CCNA2: variants seen among roughly 807,000 people sequenced by gnomAD.
CCNA2 encodes the protein cyclin-A2.
A neutral mutation model predicts 49.4 loss-of-function variants in CCNA2; 3 were observed. The ratio of observed to expected loss-of-function variants is 0.06; its 90% CI spans 0.03 to 0.16. CCNA2 has a LOEUF of 0.16. CCNA2 is among the 10% of genes least tolerant of loss of function. The pLI, the probability that CCNA2 is intolerant of heterozygous loss-of-function variation, is 1.00. For synonymous variants in CCNA2, 206 were observed against 197.2 expected, an observed-to-expected ratio of 1.04 and a Z score of -0.37; for missense variants, 372 against 519.7, an observed-to-expected ratio of 0.72 and a Z score of 2.76.
chr4:121,817,512 A>G lies in CCNA2; in HGVS notation c.*126T>C, dbSNP rs943415890. 3.7e-6 allele frequency: 4 copies of G among 1,090,372 alleles called. No homozygotes were observed. Among genetic ancestry groups the G allele is most frequent in the Non-Finnish European group, 5.3e-6 (4 of 756,006 alleles). 67.5% of individuals were successfully genotyped at this position (1,090,372 alleles called of 1,614,324 possible). A position where few individuals can be genotyped will look rare whatever the true frequency, so the allele number is the denominator to read the frequency against. The stretch of plus-strand genomic sequence containing the variant: ...AACCATTTAAAAAGTAATAGATACC[A>G]TAATTTGTACTTGGCCACAACTTCT... On this transcript the variant is annotated 3_prime_UTR_variant, in exon 8 of 8. Transcript: ENST00000274026.
chr4:121,822,572 C>T lies in CCNA2; in HGVS notation c.288G>A (p.Gln96=), dbSNP rs912876216. The change falls in exon 2 of 8, where the codon CAG becomes CAA. Residue 96 remains glutamine, a synonymous_variant. Coordinates refer to ENST00000274026, the MANE Select transcript of CCNA2 (RefSeq NM_001237.5). Reference sequence around the variant, plus strand: ...CATCCACATGAATGGTGAACGCAGGCTGTTTACTGTTTGCTTTCCAAGGAG... The same window carrying T: ...CATCCACATGAATGGTGAACGCAGGTTGTTTACTGTTTGCTTTCCAAGGAG... ...TVPPWKANSK[Q]PAFTIHVDEA... is the part of the protein sequence containing the mutation. The T allele has an allele frequency of 6.2e-7, 1 of 1,614,094 alleles. No homozygotes were observed. Among genetic ancestry groups the T allele is most frequent in the Non-Finnish European group, 8.5e-7 (1 of 1,180,014 alleles).
chr4:121,822,508 G>T lies in CCNA2; in HGVS notation c.352C>A (p.Gln118Lys). 1 of 1,614,094 alleles carries T rather than the reference G, an allele frequency of 6.2e-7. No homozygotes were observed. Among genetic ancestry groups the T allele is most frequent in the Non-Finnish European group, 8.5e-7 (1 of 1,180,024 alleles). ...AGGGCATCTTCACGCTCTATTTTTTGAGATTCAGCTGGCTTCTTCTGAGCT... is the reference window on the plus strand; with the variant it reads ...AGGGCATCTTCACGCTCTATTTTTTTAGATTCAGCTGGCTTCTTCTGAGCT... ...KEAQKKPAES[Q>K]KIEREDALAF... Residue 118 changes from glutamine (Q) to lysine (K), a missense_variant, in exon 2 of 8, where the codon CAA becomes AAA. Coordinates refer to ENST00000274026, the MANE Select transcript of CCNA2 (RefSeq NM_001237.5).
In CCNA2 at chr4:121,818,085, C is replaced by T. The variant is rs568350890; in HGVS notation, c.1209G>A (p.Gln403=). 1.7e-5 allele frequency: 28 copies of T among 1,613,776 alleles called. No individual in the cohort carries two copies. Among genetic ancestry groups the T allele is most frequent in the Non-Finnish European group, 2.4e-5 (28 of 1,179,828 alleles). ...DLHQTYLKAP[Q]HAQQSIREKY... ...TTTCTCTTATTGACTGTTGTGCATG[C>T]TGTGGTGCTTTGAGGTAGGTCTGGT... The change falls in exon 7 of 8, where the codon CAG becomes CAA. Residue 403 remains glutamine, a synonymous_variant. Coordinates refer to ENST00000274026, the MANE Select transcript of CCNA2 (RefSeq NM_001237.5).
In CCNA2 at chr4:121,817,003, TAATA is replaced by T. The variant is rs1202564653; in HGVS notation, c.*631_*634del. The T allele has an allele frequency of 1.0e-5, 8 of 774,242 alleles. No individual in the cohort carries two copies. The highest frequency in any genetic ancestry group is 1.2e-5 in the Non-Finnish European group (6 of 515,208). The allele number at this position is 774,242 out of a possible 1,614,324, so 48.0% of individuals were successfully genotyped here. On this transcript the variant is annotated 3_prime_UTR_variant, in exon 8 of 8. Coordinates refer to ENST00000274026, the MANE Select transcript of CCNA2 (RefSeq NM_001237.5). ...TTTTTGTTTTTAATGTGCTTTAAAA[TAATA>T]AACCTTCTGGAGCATTTCTCGTCTG... is the stretch of plus-strand genomic sequence containing the variant.
rs1560630003 is a variant in CCNA2, at chr4:121,816,754, A to T, written c.*884T>A. On this transcript the variant is annotated 3_prime_UTR_variant, in exon 8 of 8. Transcript: ENST00000274026. ...CTTAACATACTCTTAGTAAATTCTT[A>T]CTTTGCTTTATTCACAGAACACAGA... The T allele has an allele frequency of 6.4e-7, 1 of 1,563,874 alleles. No individual in the cohort carries two copies.
intron 4 of CCNA2, among the ~76,000 whole-genome samples, chr4:121,819,872 A>C (rs1253984383): frequency 6.6e-6 from 1 of 152,128 alleles, no homozygotes; most frequent in East Asian, 1.9e-4. Flanking sequence ...AGTAGCTGAA[A>C]ATTTAGGAAA....
In CCNA2 at chr4:121,817,415, T is replaced by C. The variant is rs1304431563; in HGVS notation, c.*223A>G. 1 of 450,654 alleles carries C rather than the reference T, an allele frequency of 2.2e-6. No homozygotes were observed. Among genetic ancestry groups the C allele is most frequent in the East Asian group, 3.6e-5 (1 of 28,020 alleles). The allele number at this position is 450,654 out of a possible 1,614,324, so 27.9% of individuals were successfully genotyped here. A position where few individuals can be genotyped will look rare whatever the true frequency, so the allele number is the denominator to read the frequency against. On this transcript the variant is annotated 3_prime_UTR_variant, in exon 8 of 8. Coordinates refer to ENST00000274026, the MANE Select transcript of CCNA2 (RefSeq NM_001237.5). Reference sequence around the variant, plus strand: ...TTATCCTGACAGCTGGCATCATTAATACTTTAACAAAACCACTTAAAATTA... The same window carrying C: ...TTATCCTGACAGCTGGCATCATTAACACTTTAACAAAACCACTTAAAATTA...
At position 121,820,809 on chromosome 4, in the gene CCNA2, A is replaced by G. The variant is rs201943832; in HGVS notation, c.571-44T>C. 89 of 1,398,250 alleles carry G rather than the reference A, an allele frequency of 6.4e-5. No homozygotes were observed. In the East Asian group the frequency reaches 1.2e-3, roughly 19 times the overall value. 86.6% of individuals were successfully genotyped at this position (1,398,250 alleles called of 1,614,324 possible). On this transcript the variant is annotated intron_variant, in intron 3 of 7. Transcript: ENST00000274026. This position sits in a 1 kb window ranked among gnomAD's most constrained non-coding sequence, Gnocchi z 4.1. ...ATAGTGTTAAAATTATTCTAGTGTA[A>G]AAACTGCAATTAGATTATTTTACCA...
At chr4:121,819,281 C>G (rs956848166) in intron 5 of CCNA2, 91 bp downstream of exon 5, 20 of 921,804 alleles carry the variant, frequency 2.2e-5, no homozygotes, top group Non-Finnish European at 3.4e-5. Context: ...CACTGCTGTA[C>G]AAAGGAACTA....
At chr4:121,819,671 G>T in intron 4 of CCNA2, 92 bp from the exon 5 acceptor site, 2 of 816,706 alleles carry the variant, frequency 2.4e-6, no homozygotes, top group South Asian at 3.2e-5. Context: ...AATATGGAAT[G>T]AATCCAAAAT....
At chr4:121,819,726 G>A in intron 4 of CCNA2, 147 bp from the exon 5 acceptor site, 1 of 619,656 alleles carries the variant, frequency 1.6e-6, no homozygotes, top group Middle Eastern at 4.3e-4. Context: ...ATTTCTAGTA[G>A]AGACTGGATA....
At chr4:121,818,018 G>A in intron 7 of CCNA2, 26 bp downstream of exon 7, 1 of 1,592,700 alleles carries the variant, frequency 6.3e-7, no homozygotes, top group Non-Finnish European at 8.6e-7. Flanking sequence ...AGAAAAGTAA[G>A]CTTCAATATC....
chr4:121,823,734 G>A lies in CCNA2; in HGVS notation c.-106C>T. On this transcript the variant is annotated 5_prime_UTR_variant, in exon 1 of 8. Coordinates refer to ENST00000274026, the MANE Select transcript of CCNA2 (RefSeq NM_001237.5). ...ACCCGGCCAAAGAATAGTCGTAGCCGCCGGTCGCAGCCCAGGCCAGCCTAC... is the reference window on the plus strand; with the variant it reads ...ACCCGGCCAAAGAATAGTCGTAGCCACCGGTCGCAGCCCAGGCCAGCCTAC... 1 of 1,448,786 alleles carries A rather than the reference G, an allele frequency of 6.9e-7. No homozygotes were observed. The highest frequency in any genetic ancestry group is 9.1e-7 in the Non-Finnish European group (1 of 1,103,682). 89.7% of individuals were successfully genotyped at this position (1,448,786 alleles called of 1,614,324 possible). A position where few individuals can be genotyped will look rare whatever the true frequency, so the allele number is the denominator to read the frequency against.
At chr4:121,817,921 T>C (rs999029036) in intron 7 of CCNA2, 123 bp downstream of exon 7, 1 of 1,126,366 alleles carries the variant, frequency 8.9e-7, no homozygotes, top group Non-Finnish European at 1.3e-6. Context: ...TTCAAACACA[T>C]AACCAATTTA....
In CCNA2 at chr4:121,819,362, GTT is replaced by G. The variant is rs1553929463; in HGVS notation, c.1002+8_1002+9del. 6.2e-7 allele frequency: 1 copy of G among 1,604,404 alleles called. No individual in the cohort carries two copies. Among genetic ancestry groups the G allele is most frequent in the African/African-American group, 1.3e-5 (1 of 74,818 alleles). The stretch of plus-strand genomic sequence containing the variant: ...AGAATCACCATTCAACAAAATGAAA[GTT>G]AACTCACCATTGCTAAACTTTCAAC... On this transcript the variant is annotated splice_region_variant and intron_variant, in intron 5 of 7. Coordinates refer to ENST00000274026, the MANE Select transcript of CCNA2 (RefSeq NM_001237.5).
rs946405642 is a variant in CCNA2, at chr4:121,818,196, A to G, written c.1117-19T>C. On this transcript the variant is annotated intron_variant, in intron 6 of 7. Coordinates refer to ENST00000274026, the MANE Select transcript of CCNA2 (RefSeq NM_001237.5). ...ATTCAGGCTACAGAGAAGGGAATAG[A>G]GAACCCCTGAGTTTTGCTTTTAGTA... The G allele has an allele frequency of 7.5e-6, 12 of 1,603,870 alleles. No individual in the cohort carries two copies. The African/African-American group carries it at 9.4e-5, about 13-fold the overall frequency.
In CCNA2 at chr4:121,817,819, AAC is replaced by A. The variant is rs920665518; in HGVS notation, c.1251-135_1251-134del. 32 of 1,298,170 alleles carry A rather than the reference AAC, an allele frequency of 2.5e-5. No individual in the cohort carries two copies. The Admixed American group carries it at 3.4e-4, about 14-fold the overall frequency. 80.4% of individuals were successfully genotyped at this position (1,298,170 alleles called of 1,614,324 possible). On this transcript the variant is annotated intron_variant, in intron 7 of 7. Transcript: ENST00000274026. ...GTCTGACCGACTTGATGGTTTTAGAAACACTGTCTGGTCCCTGAAACACACAT... is the reference window on the plus strand; with the variant it reads ...GTCTGACCGACTTGATGGTTTTAGAAACTGTCTGGTCCCTGAAACACACAT...
At chr4:121,819,801 CAAAG>C (rs1237187792) in intron 4 of CCNA2, among the ~76,000 whole-genome samples, 1 of 151,974 alleles carries the variant, frequency 6.6e-6, no homozygotes, top group African/African-American at 2.4e-5. Flanking sequence ...CCAGTTCAGT[CAAAG>C]GAAGTAAATG....
Position 121,820,849 on chromosome 4 carries a change from C to G in CCNA2, c.571-84G>C. 1.6e-6 allele frequency: 2 copies of G among 1,236,054 alleles called. No individual in the cohort carries two copies. The highest frequency in any genetic ancestry group is 2.3e-6 in the Non-Finnish European group (2 of 861,102). 76.6% of individuals were successfully genotyped at this position (1,236,054 alleles called of 1,614,324 possible). On this transcript the variant is annotated intron_variant, in intron 3 of 7. Transcript: ENST00000274026. The surrounding 1 kb of genome is among the most constrained non-coding windows in gnomAD (Gnocchi z 4.1). ...TTATTTTACCATTAATTACGAGAGG[C>G]TACATGCTATAAACTTAACTGTAGC... is the stretch of plus-strand genomic sequence containing the variant.
Sources: gnomAD v4.1 joint callset for allele counts (sites outside exome capture counted in the v4.1 genomes callset) on GRCh38, gnomAD v4.1.1 for gene constraint, Gnocchi (gnomAD v3.1) non-coding constraint, MANE v1.5 for transcripts, NCBI Gene and HGNC (gene_info 2026-07-23, HGNC 2026-07-21) for gene names.